The following TTC7B variants were observed in gnomAD, a reference collection of about 807,000 sequenced individuals.
The protein encoded by TTC7B is tetratricopeptide repeat protein 7B.
TTC7B carries 28 observed loss-of-function variants against 106.8 expected under a neutral mutation model. That is an observed-to-expected ratio of 0.26 (90% confidence interval 0.19 to 0.36). TTC7B has a LOEUF of 0.36. TTC7B is among the 10% of genes least tolerant of loss of function. The pLI, the probability that TTC7B is intolerant of heterozygous loss-of-function variation, is 1.00. For synonymous variants in TTC7B, 405 were observed against 430.6 expected (o/e 0.94, Z 0.74); for missense variants, 862 against 1,076.4 (o/e 0.80, Z 2.79).
intron 17 of TTC7B, among the ~76,000 whole-genome samples, chr14:90,595,062 G>A (rs1197077608): frequency 1.3e-5 from 2 of 152,200 alleles, no homozygotes; most frequent in South Asian, 2.1e-4. Flanking sequence ...GGCCGGGCGC[G>A]GTGGCTCACG....
chr14:90,581,746 C>T (rs1891501212), intron 18 of TTC7B, among the ~76,000 whole-genome samples: 1 of 152,176 alleles, frequency 6.6e-6, no homozygotes, highest in Non-Finnish European at 1.5e-5. Context: ...CCATAAATGC[C>T]AATAAGACTG....
chr14:90,602,730 T>C (rs1892478315), intron 17 of TTC7B, among the ~76,000 whole-genome samples: 1 of 151,828 alleles, frequency 6.6e-6, no homozygotes, highest in Non-Finnish European at 1.5e-5. Context: ...TGATCCTACA[T>C]CCAGGGAATT....
intron 9 of TTC7B, among the ~76,000 whole-genome samples, chr14:90,674,431 A>G (rs952868157): frequency 6.6e-6 from 1 of 152,238 alleles, no homozygotes. Context: ...GCTCGCTCCA[A>G]TTGCCTAAGT....
intron 18 of TTC7B, among the ~76,000 whole-genome samples, chr14:90,582,368 G>A (rs1891534794): frequency 6.6e-6 from 1 of 152,242 alleles, no homozygotes. Flanking sequence ...CTGTCCACCT[G>A]TCAGGTGGGG....
intron 1 of TTC7B, among the ~76,000 whole-genome samples, chr14:90,791,019 G>A (rs993571859): frequency 1.3e-5 from 2 of 152,054 alleles, no homozygotes; most frequent in African/African-American, 4.8e-5. Context: ...ATGCCCAGAT[G>A]TCAATGCTTC....
intron 2 of TTC7B, among the ~76,000 whole-genome samples, chr14:90,783,555 C>T (rs946595973): frequency 6.6e-6 from 1 of 152,196 alleles, no homozygotes; most frequent in East Asian, 1.9e-4. Context: ...AGCTGAGAAA[C>T]ATGAAGCTCA....
In TTC7B at chr14:90,774,590, A is replaced by G. The variant is rs1327806140; in HGVS notation, c.445+6148T>C. Reference sequence around the variant, plus strand: ...ACCTGCTCACTCCATCTGCCTGCCAAGCATCTGGCTGGAGCTGGGCAGAAG... The same window carrying G: ...ACCTGCTCACTCCATCTGCCTGCCAGGCATCTGGCTGGAGCTGGGCAGAAG... On this transcript the variant is annotated intron_variant, in intron 3 of 19. Transcript: ENST00000328459. Among the ~76,000 whole-genome samples the G allele has an allele frequency of 2.6e-5, 4 of 152,170 alleles. No homozygotes were observed. The South Asian group carries it at 8.3e-4, about 31-fold the overall frequency.
rs1246436293 is a variant in TTC7B at position 90,767,044 on chromosome 14, A to AG, written c.445+13693_445+13694insC. 1,977 of 795,844 alleles carry AG rather than the reference A, an allele frequency of 2.5e-3. 31 individuals are homozygous for AG. In the African/African-American group the frequency reaches 0.026, roughly 10 times the overall value. 49.3% of individuals were successfully genotyped at this position (795,844 alleles called of 1,614,324 possible). A position where few individuals can be genotyped will look rare whatever the true frequency, so the allele number is the denominator to read the frequency against. On this transcript the variant is annotated intron_variant, in intron 3 of 19. Coordinates refer to ENST00000328459, the MANE Select transcript of TTC7B (RefSeq NM_001010854.2). ...TTTATATACCAAAAAAAAAAAAAAA[A>AG]AGAAAGAAAGGAAGAAAAGAAATTC...
intron 9 of TTC7B, among the ~76,000 whole-genome samples, chr14:90,666,295 G>A (rs1886406864): frequency 6.6e-6 from 1 of 152,130 alleles, no homozygotes; most frequent in African/African-American, 2.4e-5. Flanking sequence ...CCAAATAGCT[G>A]GGATTACAGG....
At chr14:90,782,393 G>C (rs1022925318) in intron 2 of TTC7B, among the ~76,000 whole-genome samples, 2 of 152,200 alleles carry the variant, frequency 1.3e-5, no homozygotes, top group Non-Finnish European at 2.9e-5. Context: ...GACGCCAGAA[G>C]TTCGTGACCA....
In TTC7B at chr14:90,524,874, C is replaced by A. The variant is rs956358701; in HGVS notation, c.*16494G>T. On this transcript the variant is annotated 3_prime_UTR_variant, in exon 20 of 20. Transcript: ENST00000328459. Reference sequence around the variant, plus strand: ...GGCCAGGCTGTACTCATCTCCATTACGAGGCCTTTTTTTTTAAAAAAAAAA... The same window carrying A: ...GGCCAGGCTGTACTCATCTCCATTAAGAGGCCTTTTTTTTTAAAAAAAAAA... 1 of 129,686 alleles carries A rather than the reference C, an allele frequency of 7.7e-6. No homozygotes were observed. Among genetic ancestry groups the A allele is most frequent in the Non-Finnish European group, 1.6e-5 (1 of 62,772 alleles). 8.0% of individuals were successfully genotyped at this position (129,686 alleles called of 1,614,324 possible). A position where few individuals can be genotyped will look rare whatever the true frequency, so the allele number is the denominator to read the frequency against.
At position 90,766,965 on chromosome 14, in the gene TTC7B, T is replaced by G. The variant is rs145915324; in HGVS notation, c.445+13773A>C. 517 of 1,421,340 alleles carry G rather than the reference T, an allele frequency of 3.6e-4. 4 individuals are homozygous for G. The African/African-American group carries it at 5.6e-3, about 15-fold the overall frequency. 88.0% of individuals were successfully genotyped at this position (1,421,340 alleles called of 1,614,324 possible). On this transcript the variant is annotated intron_variant, in intron 3 of 19. Coordinates refer to ENST00000328459, the MANE Select transcript of TTC7B (RefSeq NM_001010854.2). ...AGACCACTGGCCGCCATGGCCGCAC[T>G]GTGGGTGTGTCCAAGAAGAAATAAG...
intron 19 of TTC7B, 49 bp from the exon 20 acceptor site, chr14:90,541,638 G>A (rs1647157702): frequency 7.0e-7 from 1 of 1,435,366 alleles, no homozygotes; most frequent in Admixed American, 2.3e-5. Context: ...GAGGCTTCAG[G>A]AGCTCTGCAT....
At chr14:90,573,757 C>A (rs780021920) in intron 19 of TTC7B, among the ~76,000 whole-genome samples, 1 of 152,252 alleles carries the variant, frequency 6.6e-6, no homozygotes, top group Non-Finnish European at 1.5e-5. Context: ...CTGACCCCTG[C>A]CATCTGCTTC....
chr14:90,620,319 A>C (rs1893257858), intron 15 of TTC7B, among the ~76,000 whole-genome samples: 1 of 152,188 alleles, frequency 6.6e-6, no homozygotes, highest in African/African-American at 2.4e-5. Context: ...AGCCTTACCA[A>C]GACTGCCTAA....
intron 2 of TTC7B, 122 bp downstream of exon 2, chr14:90,786,052 A>G: frequency 8.4e-7 from 1 of 1,193,368 alleles, no homozygotes; most frequent in Non-Finnish European, 1.1e-6. Context: ...CCCGCTTCTA[A>G]GAAGACAAGC....
At chr14:90,751,663 C>G (rs1890141339) in intron 3 of TTC7B, among the ~76,000 whole-genome samples, 1 of 152,100 alleles carries the variant, frequency 6.6e-6, no homozygotes, top group African/African-American at 2.4e-5. Flanking sequence ...CTCCTGACCT[C>G]AAGAGATGCT....
At chr14:90,694,803 T>C (rs1426962599) in intron 6 of TTC7B, among the ~76,000 whole-genome samples, 1 of 139,564 alleles carries the variant, frequency 7.2e-6, no homozygotes, top group East Asian at 2.1e-4. Flanking sequence ...CATTTTATTA[T>C]AAAACATGTA....
chr14:90,666,556 T>A (rs988159598), intron 9 of TTC7B, among the ~76,000 whole-genome samples: 2 of 152,214 alleles, frequency 1.3e-5, no homozygotes, highest in Non-Finnish European at 2.9e-5. Context: ...CTAAAAGGCA[T>A]ATTTATGGGA....
Sources: allele counts gnomAD v4.1 joint callset (sites outside exome capture counted in the v4.1 genomes callset), GRCh38; gene constraint gnomAD v4.1.1; transcripts MANE v1.5; gene names NCBI Gene and HGNC (gene_info 2026-07-23, HGNC 2026-07-21).